The following PID1 variants were observed in gnomAD, a reference collection of about 807,000 sequenced individuals.
PID1 encodes PTB-containing, cubilin and LRP1-interacting protein.
In PID1, 10 loss-of-function variants were observed where a neutral mutation model predicts 19.1. The ratio of observed to expected loss-of-function variants is 0.52; its 90% CI spans 0.32 to 0.89. PID1 has a LOEUF of 0.89. Among genes scored for constraint, PID1 ranks in the 40% least tolerant of loss-of-function variants. PID1 has a pLI of 0.03. For synonymous variants in PID1, 130 were observed against 116.0 expected (o/e 1.12, Z -0.78); for missense variants, 248 against 285.3 (o/e 0.87, Z 0.94).
chr2:229,141,833 C>T (rs911323760), intron 2 of PID1, among the ~76,000 whole-genome samples: 20 of 151,946 alleles, frequency 1.3e-4, no homozygotes, highest in South Asian at 2.1e-4. Flanking sequence ...GCACTCAGTA[C>T]GCACAGAAGC....
intron 1 of PID1, among the ~76,000 whole-genome samples, chr2:229,188,162 T>C (rs918114467): frequency 6.6e-6 from 1 of 152,038 alleles, no homozygotes; most frequent in African/African-American, 2.4e-5. Flanking sequence ...GGTTTCTTCA[T>C]CTTTAAAACA....
chr2:229,248,703 T>C lies in PID1; in HGVS notation c.30+22311A>G, dbSNP rs533714098. Among the ~76,000 whole-genome samples the C allele has an allele frequency of 5.3e-5, 8 of 152,350 alleles. No individual in the cohort carries two copies. The East Asian group carries it at 7.7e-4, about 15-fold the overall frequency. On this transcript the variant is annotated intron_variant, in intron 1 of 2. Transcript: ENST00000392055. The stretch of plus-strand genomic sequence containing the variant: ...GGAAGAGCTTACCTTTCTTATCTAT[T>C]TATTTGTTTGCTTATTCCTTTGTTT...
intron 1 of PID1, among the ~76,000 whole-genome samples, chr2:229,159,154 T>C (rs763614190): frequency 5.3e-5 from 8 of 152,138 alleles, no homozygotes; most frequent in Non-Finnish European, 1.0e-4. Context: ...TCCATGATGT[T>C]ATTATTGTGC....
rs564713600 is a variant in PID1, at chr2:229,235,332, G to C, written c.30+35682C>G. Among the ~76,000 whole-genome samples, 4 of 152,330 alleles carry C rather than the reference G, an allele frequency of 2.6e-5. No individual in the cohort carries two copies. In the South Asian group the frequency reaches 8.3e-4, roughly 32 times the overall value. ...AGAGCAGAGGAGCTGCCCACAGGCT[G>C]TGGTCCTGAAAGTTTGCACTCAAGG... On this transcript the variant is annotated intron_variant, in intron 1 of 2. Coordinates refer to ENST00000392055, the MANE Select transcript of PID1 (RefSeq NM_001100818.2).
At chr2:229,138,215 G>T (rs554787858) in intron 2 of PID1, among the ~76,000 whole-genome samples, 2 of 152,090 alleles carry the variant, frequency 1.3e-5, no homozygotes, top group Non-Finnish European at 2.9e-5. Flanking sequence ...CTCAGAAGGG[G>T]GAAGAAAACA....
chr2:229,267,464 G>T (rs1429126656), intron 1 of PID1, among the ~76,000 whole-genome samples: 1 of 152,174 alleles, frequency 6.6e-6, no homozygotes, highest in Non-Finnish European at 1.5e-5. Flanking sequence ...TGAGAAGATG[G>T]TTACATGTAA....
At chr2:229,224,921 A>C (rs1264893160) in intron 1 of PID1, among the ~76,000 whole-genome samples, 2 of 152,090 alleles carry the variant, frequency 1.3e-5, no homozygotes, top group Non-Finnish European at 2.9e-5. Context: ...GCTGTTTTTC[A>C]TCTGTAAGGT....
intron 2 of PID1, among the ~76,000 whole-genome samples, chr2:229,049,936 T>C (rs74672489): frequency 2.8e-5 from 1 of 36,170 alleles, no homozygotes; most frequent in Non-Finnish European, 4.8e-5. Context: ...TACACACACA[T>C]GCATAGAAGT....
At chr2:229,145,817 T>TA (rs923685768) in intron 2 of PID1, among the ~76,000 whole-genome samples, 1 of 152,132 alleles carries the variant, frequency 6.6e-6, no homozygotes, top group Non-Finnish European at 1.5e-5. Flanking sequence ...TAGAACAGGT[T>TA]AAAAAAACCA....
rs576028667 is a variant in PID1, at chr2:229,171,411, C to T, written c.31-15447G>A. On this transcript the variant is annotated intron_variant, in intron 1 of 2. Transcript: ENST00000392055. ...GAGGACAGAATTTATCTGTTCTACACGTTATCTTTAGGAAGGTTAAACAAA... is the reference window on the plus strand; with the variant it reads ...GAGGACAGAATTTATCTGTTCTACATGTTATCTTTAGGAAGGTTAAACAAA... Among the ~76,000 whole-genome samples, 137 of 152,284 alleles carry T rather than the reference C, an allele frequency of 9.0e-4. 1 individual carries two copies. Among genetic ancestry groups the T allele is most frequent in the South Asian group, 4.6e-3 (22 of 4,822 alleles).
At chr2:229,268,893 A>G (rs1006087136) in intron 1 of PID1, among the ~76,000 whole-genome samples, 1 of 152,198 alleles carries the variant, frequency 6.6e-6, no homozygotes, top group Non-Finnish European at 1.5e-5. Flanking sequence ...AATGTAAATA[A>G]AATATGATAA....
intron 1 of PID1, among the ~76,000 whole-genome samples, chr2:229,172,636 A>G (rs1269922854): frequency 2.0e-5 from 3 of 152,098 alleles, no homozygotes; most frequent in African/African-American, 7.2e-5. Context: ...TCTCATTGTA[A>G]TCTCTTAATT....
chr2:229,211,806 A>G (rs1015276741), intron 1 of PID1, among the ~76,000 whole-genome samples: 2 of 152,228 alleles, frequency 1.3e-5, no homozygotes, highest in African/African-American at 4.8e-5. Context: ...ACAGCTATAC[A>G]CATCCCTTCC....
At chr2:229,082,546 G>C (rs1694688238) in intron 2 of PID1, among the ~76,000 whole-genome samples, 1 of 152,192 alleles carries the variant, frequency 6.6e-6, no homozygotes, top group Admixed American at 6.5e-5. Context: ...CTGTAACAAA[G>C]GGGGAAGCCA....
At chr2:229,156,584 T>A (rs1413657221) in intron 1 of PID1, among the ~76,000 whole-genome samples, 1 of 152,172 alleles carries the variant, frequency 6.6e-6, no homozygotes, top group African/African-American at 2.4e-5. Flanking sequence ...CTGCTATCCA[T>A]ACCACCCAGT....
chr2:229,160,515 C>G (rs1167568265), intron 1 of PID1, among the ~76,000 whole-genome samples: 2 of 152,196 alleles, frequency 1.3e-5, no homozygotes, highest in Non-Finnish European at 2.9e-5. Context: ...CCTGCTGATT[C>G]ATTCCACCTT....
intron 2 of PID1, among the ~76,000 whole-genome samples, chr2:229,121,084 T>C (rs1469907774): frequency 6.6e-6 from 1 of 152,182 alleles, no homozygotes; most frequent in Non-Finnish European, 1.5e-5. Flanking sequence ...AACCAGTCTC[T>C]GGTATTATGT....
chr2:229,180,457 A>G (rs1324117122), intron 1 of PID1, among the ~76,000 whole-genome samples: 1 of 152,208 alleles, frequency 6.6e-6, no homozygotes, highest in Non-Finnish European at 1.5e-5. Context: ...AATGTAACTA[A>G]GAAAAAGATT....
chr2:229,248,225 T>C (rs551212942), intron 1 of PID1, among the ~76,000 whole-genome samples: 4 of 152,322 alleles, frequency 2.6e-5, no homozygotes, highest in African/African-American at 9.6e-5. Context: ...CACTGGGTTG[T>C]CATGTCTACT....
Sources: gnomAD v4.1 joint callset for allele counts (sites outside exome capture counted in the v4.1 genomes callset) on GRCh38, gnomAD v4.1.1 for gene constraint, MANE v1.5 for transcripts, NCBI Gene and HGNC (gene_info 2026-07-23, HGNC 2026-07-21) for gene names.